The following NELL2 variants were observed in gnomAD, a reference collection of about 807,000 sequenced individuals.
The protein encoded by NELL2 is neural EGFL like 2.
Under a neutral mutation model 109.6 loss-of-function variants are expected in NELL2, and 41 were observed. The observed-to-expected ratio is 0.37, with a 90% CI of 0.29 to 0.49. NELL2 has a LOEUF of 0.49. NELL2 is among the 20% of genes least tolerant of loss of function. The pLI, the probability that NELL2 is intolerant of heterozygous loss-of-function variation, is 0.98. For synonymous variants in NELL2, 355 were observed against 344.7 expected, an observed-to-expected ratio of 1.03 and a Z score of -0.33; for missense variants, 900 against 1,008.3, an observed-to-expected ratio of 0.89 and a Z score of 1.45.
chr12:44,609,791 G>A (rs1545496), intron 14 of NELL2, among the ~76,000 whole-genome samples: 81,153 of 151,832 alleles, frequency 0.53, 24,320 homozygotes, highest in African/African-American at 0.83. Flanking sequence ...AAGACACTGC[G>A]TTAACAACTA....
At chr12:44,844,928 T>C (rs929629806) in intron 2 of NELL2, among the ~76,000 whole-genome samples, 1 of 152,122 alleles carries the variant, frequency 6.6e-6, no homozygotes, top group African/African-American at 2.4e-5. Flanking sequence ...TTAATAATCA[T>C]TCTATTATCT....
intron 3 of NELL2, among the ~76,000 whole-genome samples, chr12:44,798,926 A>G (rs1170636397): frequency 6.7e-6 from 1 of 149,252 alleles, no homozygotes; most frequent in African/African-American, 2.5e-5. Context: ...GGGAAAAAAG[A>G]ACTTTGCAAA....
chr12:44,544,100 T>TA (rs375674814), intron 15 of NELL2, among the ~76,000 whole-genome samples: 4 of 151,150 alleles, frequency 2.6e-5, no homozygotes, highest in African/African-American at 9.7e-5. Flanking sequence ...TAGGGAGGAA[T>TA]AAAAAAAAAC....
At chr12:44,763,871 T>TAAA (rs71093824) in intron 9 of NELL2, among the ~76,000 whole-genome samples, 8 of 151,944 alleles carry the variant, frequency 5.3e-5, no homozygotes, top group East Asian at 3.9e-4. Flanking sequence ...AGATTTACAA[T>TAAA]AAAAAAAACA....
intron 13 of NELL2, among the ~76,000 whole-genome samples, chr12:44,617,707 A>AAAAAAAAAG (rs1566026876): frequency 9.7e-6 from 1 of 103,530 alleles, no homozygotes; most frequent in Non-Finnish European, 1.9e-5. Context: ...AAAAAAAAAA[A>AAAAAAAAAG]AAAAAAGAAA....
intron 9 of NELL2, among the ~76,000 whole-genome samples, chr12:44,761,493 G>T (rs1941123797): frequency 6.6e-6 from 1 of 152,114 alleles, no homozygotes; most frequent in Admixed American, 6.6e-5. Flanking sequence ...ACTAAAAATA[G>T]AACTACCATT....
At chr12:44,743,981 A>G (rs1203878089) in intron 9 of NELL2, among the ~76,000 whole-genome samples, 1 of 152,120 alleles carries the variant, frequency 6.6e-6, no homozygotes, top group African/African-American at 2.4e-5. Context: ...CTCCACCCCA[A>G]ATCAACAGAA....
At chr12:44,791,045 A>G (rs1942363208) in intron 3 of NELL2, among the ~76,000 whole-genome samples, 1 of 133,310 alleles carries the variant, frequency 7.5e-6, no homozygotes, top group African/African-American at 2.8e-5. Context: ...AAGGAGATAG[A>G]CACCAAGAAG....
chr12:44,511,936 A>G (rs973472927), intron 19 of NELL2, among the ~76,000 whole-genome samples: 2 of 152,158 alleles, frequency 1.3e-5, no homozygotes, highest in African/African-American at 4.8e-5. Flanking sequence ...ATATTTTATG[A>G]GTGAGACCAC....
chr12:44,903,727 T>C (rs148665830), intron 1 of NELL2, among the ~76,000 whole-genome samples: 5,295 of 152,236 alleles, frequency 0.035, 200 homozygotes, highest in African/African-American at 0.085. Context: ...AACGAGTTCA[T>C]GTCCTTTGCA....
chr12:44,772,331 C>A (rs1389010293), intron 9 of NELL2, among the ~76,000 whole-genome samples: 4 of 152,132 alleles, frequency 2.6e-5, no homozygotes, highest in Admixed American at 2.6e-4. Context: ...CTATTGGTTT[C>A]TCCCACTTTT....
chr12:44,539,647 C>A (rs1427837140), intron 15 of NELL2, among the ~76,000 whole-genome samples: 2 of 151,970 alleles, frequency 1.3e-5, no homozygotes, highest in Non-Finnish European at 2.9e-5. Flanking sequence ...TAGCCACTAC[C>A]ATAACCAAGA....
intron 3 of NELL2, among the ~76,000 whole-genome samples, chr12:44,812,536 G>A (rs1346904711): frequency 6.6e-6 from 1 of 152,120 alleles, no homozygotes; most frequent in Admixed American, 6.6e-5. Flanking sequence ...TTGTCCTGTA[G>A]ATATTTCTAT....
intron 19 of NELL2, among the ~76,000 whole-genome samples, chr12:44,513,313 C>T (rs979404724): frequency 1.3e-4 from 19 of 151,886 alleles, no homozygotes; most frequent in Admixed American, 1.1e-3. Flanking sequence ...AAACAGTCTT[C>T]ACAAGAAGCC....
intron 13 of NELL2, among the ~76,000 whole-genome samples, chr12:44,651,719 T>G (rs1481391031): frequency 6.6e-6 from 1 of 152,154 alleles, no homozygotes; most frequent in Non-Finnish European, 1.5e-5. Flanking sequence ...TATGATCACT[T>G]GAACACCATA....
chr12:44,700,000 C>T (rs764709760), intron 12 of NELL2, among the ~76,000 whole-genome samples: 52 of 152,222 alleles, frequency 3.4e-4, no homozygotes, highest in Non-Finnish European at 6.3e-4. Flanking sequence ...TCCCTTAATG[C>T]CAAATTGAAG....
At chr12:44,517,024 T>C (rs937367603) in intron 19 of NELL2, among the ~76,000 whole-genome samples, 4 of 151,262 alleles carry the variant, frequency 2.6e-5, no homozygotes, top group African/African-American at 9.7e-5. Context: ...AAATATTTAA[T>C]TATATTTTCT....
intron 13 of NELL2, among the ~76,000 whole-genome samples, chr12:44,646,715 G>A (rs1312538982): frequency 6.6e-6 from 1 of 152,208 alleles, no homozygotes; most frequent in Non-Finnish European, 1.5e-5. Context: ...TAGTGAATGT[G>A]CAGTGAAAAG....
intron 2 of NELL2, among the ~76,000 whole-genome samples, chr12:44,832,540 G>A (rs1038916851): frequency 1.7e-4 from 26 of 152,120 alleles, no homozygotes; most frequent in African/African-American, 6.0e-4. Context: ...ATAGCTGACC[G>A]TCTTGTTCAT....
Sources: allele counts gnomAD v4.1 joint callset (sites outside exome capture counted in the v4.1 genomes callset), GRCh38; gene constraint gnomAD v4.1.1; transcripts MANE v1.5; gene names NCBI Gene and HGNC (gene_info 2026-07-23, HGNC 2026-07-21).